IFT80: variants seen among roughly 807,000 people sequenced by gnomAD.
IFT80 encodes the protein intraflagellar transport 80.
Under a neutral mutation model 107.9 loss-of-function variants are expected in IFT80, and 79 were observed. That is an observed-to-expected ratio of 0.73 (90% confidence interval 0.61 to 0.88). The LOEUF is 0.88. IFT80 is among the 40% of genes least tolerant of loss of function. The pLI, the probability that IFT80 is intolerant of heterozygous loss-of-function variation, is 0.00. For synonymous variants in IFT80, 299 were observed against 300.9 expected, an observed-to-expected ratio of 0.99 and a Z score of 0.07; for missense variants, 797 against 914.2, an observed-to-expected ratio of 0.87 and a Z score of 1.65.
chr3:160,318,742 G>A (rs1471739837), intron 9 of IFT80, among the ~76,000 whole-genome samples: 1 of 151,928 alleles, frequency 6.6e-6, no homozygotes, highest in East Asian at 1.9e-4. Flanking sequence ...ACCAAAATAT[G>A]GCACTATGGC....
chr3:160,398,632 C>G (rs924378737), intron 1 of IFT80, among the ~76,000 whole-genome samples: 1 of 152,082 alleles, frequency 6.6e-6, no homozygotes, highest in Middle Eastern at 3.2e-3. Flanking sequence ...CACCTACCAC[C>G]AGATCCACAG....
Position 160,268,528 on chromosome 3 carries a change from T to C in IFT80, c.2108A>G (p.Glu703Gly). The C allele has an allele frequency of 6.2e-7, 1 of 1,613,242 alleles. No individual in the cohort carries two copies. The highest frequency in any genetic ancestry group is 1.1e-5 in the South Asian group (1 of 91,054). The change falls in exon 19 of 20, where the codon GAA becomes GGA. Residue 703 changes from glutamate to glycine, a missense_variant. By Grantham distance (98) the Glu-to-Gly change is moderately conservative (BLOSUM62 -2). Coordinates refer to ENST00000326448, the MANE Select transcript of IFT80 (RefSeq NM_020800.3). ...INLYNWERALELAVKYKTHVD... is the reference protein window; with the variant it reads ...INLYNWERALGLAVKYKTHVD... The stretch of plus-strand genomic sequence containing the variant: ...ATGTGTTTTGTATTTTACAGCCAAT[T>C]CCAGTGCCCTATAATGAGAAATAAA...
chr3:160,368,958 T>C (rs962257236), intron 5 of IFT80, among the ~76,000 whole-genome samples: 1 of 152,078 alleles, frequency 6.6e-6, no homozygotes, highest in Admixed American at 6.6e-5. Context: ...AAGGCTTTAG[T>C]TGTGGTAAAA....
intron 12 of IFT80, among the ~76,000 whole-genome samples, chr3:160,296,161 T>C (rs1715965722): frequency 6.6e-6 from 1 of 152,158 alleles, no homozygotes; most frequent in South Asian, 2.1e-4. Flanking sequence ...GATCTCATGT[T>C]AACTATTTCT....
chr3:160,289,617 C>T (rs1442445232), intron 12 of IFT80, among the ~76,000 whole-genome samples: 2 of 152,160 alleles, frequency 1.3e-5, no homozygotes, highest in Admixed American at 1.3e-4. Context: ...TGCGGCGGTC[C>T]TGCTAGTGCC....
chr3:160,288,188 C>A (rs1449056853), intron 12 of IFT80, among the ~76,000 whole-genome samples: 1 of 152,134 alleles, frequency 6.6e-6, no homozygotes, highest in African/African-American at 2.4e-5. Context: ...AAAAAATTAG[C>A]CAGGCGTGGC....
chr3:160,292,762 GA>G (rs1014648272), intron 12 of IFT80, among the ~76,000 whole-genome samples: 7 of 152,180 alleles, frequency 4.6e-5, no homozygotes, highest in Admixed American at 1.3e-4. Flanking sequence ...ATCTCAGGGA[GA>G]GGGGGAGGAG....
At chr3:160,290,814 C>T (rs552766806) in intron 12 of IFT80, among the ~76,000 whole-genome samples, 5 of 152,230 alleles carry the variant, frequency 3.3e-5, no homozygotes, top group African/African-American at 7.2e-5. Context: ...CCACCTGCCT[C>T]GGCTTCCCAA....
At chr3:160,338,679 T>A (rs1242988691) in intron 8 of IFT80, among the ~76,000 whole-genome samples, 1 of 150,286 alleles carries the variant, frequency 6.7e-6, no homozygotes, top group Non-Finnish European at 1.5e-5. Context: ...AACCCATGTG[T>A]GTATCTGGAG....
chr3:160,265,136 C>T (rs932443235), intron 19 of IFT80, among the ~76,000 whole-genome samples: 1 of 152,192 alleles, frequency 6.6e-6, no homozygotes, highest in Non-Finnish European at 1.5e-5. Flanking sequence ...AAAGCCAGGG[C>T]CAGTGTCTGT....
chr3:160,394,256 A>T (rs557719975), intron 1 of IFT80: 1 of 152,428 alleles, frequency 6.6e-6, no homozygotes, highest in Admixed American at 6.5e-5. Context: ...ACATTGGAGG[A>T]AGAATTGTCT....
chr3:160,315,849 T>TG (rs1433234897), intron 9 of IFT80, among the ~76,000 whole-genome samples: 3 of 152,014 alleles, frequency 2.0e-5, no homozygotes, highest in Non-Finnish European at 4.4e-5. Flanking sequence ...AGAAAGGGGA[T>TG]GGGTTTGTTT....
At chr3:160,329,391 C>G (rs757354491) in intron 8 of IFT80, among the ~76,000 whole-genome samples, 7 of 152,054 alleles carry the variant, frequency 4.6e-5, no homozygotes, top group Non-Finnish European at 1.0e-4. Context: ...GCAGTGAGAA[C>G]CCTGGTAGAT....
Position 160,268,431 on chromosome 3 carries a change from G to A in IFT80, c.2205C>T (p.Tyr735=), listed in dbSNP as rs886058129. 6.2e-7 allele frequency: 1 copy of A among 1,612,732 alleles called. No individual in the cohort carries two copies. Among genetic ancestry groups the A allele is most frequent in the Non-Finnish European group, 8.5e-7 (1 of 1,178,886 alleles). Residue 735 remains tyrosine, a synonymous_variant, in exon 19 of 20, where the codon TAC becomes TAT. Transcript: ENST00000326448. ...TACTTACACCTTCTGCATAATGCAA[G>A]TATCGTTTATTAGTTTCCTGTTTAC... ...TFGKQETNKR[Y]LHYAEGLQID... is the part of the protein sequence containing the mutation.
intron 1 of IFT80, among the ~76,000 whole-genome samples, chr3:160,391,883 C>T (rs559793813): frequency 6.6e-6 from 1 of 152,314 alleles, no homozygotes; most frequent in African/African-American, 2.4e-5. Context: ...CTGTCATCAA[C>T]AGCTAATCCT....
intron 12 of IFT80, among the ~76,000 whole-genome samples, chr3:160,291,683 A>G (rs747925539): frequency 2.6e-5 from 4 of 152,194 alleles, no homozygotes; most frequent in Admixed American, 6.5e-5. Flanking sequence ...CTCGCAGGCC[A>G]TGGTCACATG....
intron 1 of IFT80, among the ~76,000 whole-genome samples, chr3:160,392,891 G>A (rs1252532485): frequency 2.7e-5 from 4 of 150,934 alleles, no homozygotes; most frequent in African/African-American, 9.9e-5. Context: ...GCAACATAGT[G>A]AGACCCCCTT....
intron 8 of IFT80, among the ~76,000 whole-genome samples, chr3:160,336,238 G>GTCTTT (rs1178735592): frequency 1.3e-5 from 2 of 152,088 alleles, no homozygotes; most frequent in Admixed American, 1.3e-4. Context: ...CAAAGTGGAG[G>GTCTTT]GGTTACTTTC....
At position 160,300,959 on chromosome 3, in the gene IFT80, T is replaced by C; in HGVS notation, c.1239A>G (p.Arg413=). Residue 413 remains arginine, a synonymous_variant, in exon 12 of 20, where the codon AGA becomes AGG. Transcript: ENST00000326448. ...CAGTCTGTGCATTCAGAATATCTGT[T>C]CTCATTCCAGGAAATTTTGGAGATG... The part of the protein sequence containing the change: ...FISSPKFPGM[R]TDILNAQTVS... 6.2e-7 allele frequency: 1 copy of C among 1,611,470 alleles called. No homozygotes were observed. The highest frequency in any genetic ancestry group is 8.5e-7 in the Non-Finnish European group (1 of 1,178,530).
Sources: gnomAD v4.1 joint callset for allele counts (sites outside exome capture counted in the v4.1 genomes callset) on GRCh38, gnomAD v4.1.1 for gene constraint, MANE v1.5 for transcripts, NCBI Gene and HGNC (gene_info 2026-07-23, HGNC 2026-07-21) for gene names.